TNXB: variants seen among roughly 807,000 people sequenced by gnomAD.
The protein encoded by TNXB is tenascin-X.
A neutral mutation model predicts 340.5 loss-of-function variants in TNXB; 183 were observed. That is an observed-to-expected ratio of 0.54 (90% CI 0.48 to 0.61). The LOEUF is 0.61. Ranked by LOEUF, TNXB falls within the 20% of genes least tolerant of loss-of-function variation. TNXB has a pLI of 0.00. For missense variants in TNXB, 4,613 were observed against 5,446.4 expected (o/e 0.85, Z 4.82); for synonymous variants, 2,121 against 2,314.5 (o/e 0.92, Z 2.40).
At chr6:32,054,812 C>T (rs1159061207) in intron 24 of TNXB, among the ~76,000 whole-genome samples, 1 of 152,230 alleles carries the variant, frequency 6.6e-6, no homozygotes, top group Non-Finnish European at 1.5e-5. Context: ...GCTGCCCTTT[C>T]CCTCTGCCAG....
Position 32,047,212 on chromosome 6 carries a change from T to TC in TNXB, c.10324+521dup, listed in dbSNP as rs1441608821. 3.3e-5 allele frequency among the ~76,000 whole-genome samples: 5 copies of TC among 152,248 alleles called. No individual in the cohort carries two copies. Among genetic ancestry groups the TC allele is most frequent in the South Asian group, 2.1e-4 (1 of 4,836 alleles). On this transcript the variant is annotated intron_variant, in intron 30 of 43. Transcript: ENST00000644971. The surrounding 1 kb of genome is among the most constrained non-coding windows in gnomAD (Gnocchi z 6.2). ...TCTGTCCTCCTCTGGGCATAGTGACTCATGGTCCTGGGAGTGGGGTGAGGG... is the reference window on the plus strand; with the variant it reads ...TCTGTCCTCCTCTGGGCATAGTGACTCCATGGTCCTGGGAGTGGGGTGAGGG...
chr6:32,092,230 T>C (rs1164818477), intron 4 of TNXB, among the ~76,000 whole-genome samples: 2 of 152,194 alleles, frequency 1.3e-5, no homozygotes, highest in Non-Finnish European at 2.9e-5. Context: ...TCTGACAATT[T>C]GCATGCCTAA....
Position 32,089,415 on chromosome 6 carries a change from C to T in TNXB, c.2359-36G>A. ...GAGCACCAGGTGGCTCAGGGGCTGG[C>T]ACTCTTGCCTCTGCTGCTCAATCCC... On this transcript the variant is annotated intron_variant, in intron 4 of 43. Transcript: ENST00000644971. This position sits in a 1 kb window ranked among gnomAD's most constrained non-coding sequence, Gnocchi z 6.2. The T allele has an allele frequency of 1.3e-6, 2 of 1,581,850 alleles. No homozygotes were observed. Among genetic ancestry groups the T allele is most frequent in the Non-Finnish European group, 1.7e-6 (2 of 1,165,980 alleles).
chr6:32,094,797 A>G (rs1780239618), intron 4 of TNXB, among the ~76,000 whole-genome samples: 1 of 152,204 alleles, frequency 6.6e-6, no homozygotes, highest in Non-Finnish European at 1.5e-5. Context: ...AACAATGATA[A>G]CAGCTAACAG....
chr6:32,073,099 A>G lies in TNXB; in HGVS notation c.4681+548T>C, dbSNP rs1312827562. Among the ~76,000 whole-genome samples the G allele has an allele frequency of 6.6e-6, 1 of 152,176 alleles. No individual in the cohort carries two copies. Among genetic ancestry groups the G allele is most frequent in the Non-Finnish European group, 1.5e-5 (1 of 68,030 alleles). On this transcript the variant is annotated intron_variant, in intron 12 of 43. Transcript: ENST00000644971. The surrounding 1 kb of genome is among the most constrained non-coding windows in gnomAD (Gnocchi z 4.6). ...TGCCACAGCACAACAATCATGGAGA[A>G]CCTGTGCCCAGGAAGCCATGAGGGG...
At chr6:32,098,229 T>C in intron 1 of TNXB, 23 bp from the exon 2 acceptor site, 1 of 1,465,586 alleles carries the variant, frequency 6.8e-7, no homozygotes, top group South Asian at 1.5e-5. Context: ...AGGGTAGGTA[T>C]GAGAGCAGCT....
In TNXB at chr6:32,080,419, C is replaced by G. The variant is rs1265624988; in HGVS notation, c.4042+949G>C. Among the ~76,000 whole-genome samples, 1 of 152,184 alleles carries G rather than the reference C, an allele frequency of 6.6e-6. No individual in the cohort carries two copies. The highest frequency in any genetic ancestry group is 1.9e-4 in the East Asian group (1 of 5,188). ...TGGAGACACGGTTTCACCGTGTTAG[C>G]CAGGATGGTCTCGATCTCCTGACCT... On this transcript the variant is annotated intron_variant, in intron 10 of 43. Transcript: ENST00000644971. The surrounding 1 kb of genome is among the most constrained non-coding windows in gnomAD (Gnocchi z 4.3).
chr6:32,069,988 G>T lies in TNXB; in HGVS notation c.5279-127C>A. On this transcript the variant is annotated intron_variant, in intron 14 of 43. Transcript: ENST00000644971. The surrounding 1 kb of genome is among the most constrained non-coding windows in gnomAD (Gnocchi z 6.2). ...CTGAGTCCTGCCGGGCTGTGCTAGG[G>T]GCTTGTGCAGGGACGTGGGGAGCTG... is the stretch of plus-strand genomic sequence containing the variant. 1.5e-6 allele frequency: 2 copies of T among 1,370,250 alleles called. No homozygotes were observed. Among genetic ancestry groups the T allele is most frequent in the Non-Finnish European group, 9.7e-7 (1 of 1,032,482 alleles). The allele number at this position is 1,370,250 out of a possible 1,614,324, so 84.9% of individuals were successfully genotyped here.
intron 43 of TNXB, 98 bp downstream of exon 43, chr6:32,041,673 C>T (rs1374016201): frequency 8.4e-7 from 1 of 1,188,440 alleles, no homozygotes; most frequent in African/African-American, 1.4e-5. Context: ...TCCATTTCAC[C>T]CAGCCACTCA....
intron 1 of TNXB, among the ~76,000 whole-genome samples, chr6:32,100,962 CCCAG>C (rs2127298599): frequency 6.6e-6 from 1 of 151,120 alleles, no homozygotes; most frequent in African/African-American, 2.4e-5. Flanking sequence ...CACCTGTAGT[CCCAG>C]CTACTCGGGA....
At position 32,057,020 on chromosome 6, in the gene TNXB, C is replaced by G. The variant is rs138472082; in HGVS notation, c.7826-117G>C. Reference sequence around the variant, plus strand: ...AGAGCAGGACGATGCTGCCCACAGCCCCTCCAGCACAGCTCTTCATCCTCT... The same window carrying G: ...AGAGCAGGACGATGCTGCCCACAGCGCCTCCAGCACAGCTCTTCATCCTCT... On this transcript the variant is annotated intron_variant, in intron 22 of 43. Coordinates refer to ENST00000644971, the MANE Select transcript of TNXB (RefSeq NM_001365276.2). 3.6e-4 allele frequency: 471 copies of G among 1,294,682 alleles called. 3 individuals are homozygous for G. Among genetic ancestry groups the G allele is most frequent in the African/African-American group, 3.6e-3 (244 of 68,432 alleles). 80.2% of individuals were successfully genotyped at this position (1,294,682 alleles called of 1,614,324 possible).
chr6:32,087,156 G>C lies in TNXB; in HGVS notation c.2780-1038C>G. The C allele has an allele frequency of 2.3e-6, 1 of 435,222 alleles. No individual in the cohort carries two copies. The highest frequency in any genetic ancestry group is 4.7e-6 in the Non-Finnish European group (1 of 214,836). The allele number at this position is 435,222 out of a possible 1,614,324, so 27.0% of individuals were successfully genotyped here. The stretch of plus-strand genomic sequence containing the variant: ...GGGCCTGAAGGTAGAAGGGGGCAGT[G>C]GGGGGTGGCAGTGGGAGGAATTCAT... On this transcript the variant is annotated intron_variant, in intron 6 of 43. Transcript: ENST00000644971. The surrounding 1 kb of genome is among the most constrained non-coding windows in gnomAD (Gnocchi z 9.0).
At chr6:32,071,460 G>A (rs1440302367) in intron 13 of TNXB, among the ~76,000 whole-genome samples, 4 of 152,102 alleles carry the variant, frequency 2.6e-5, no homozygotes, top group Admixed American at 2.6e-4. Context: ...GCCTGTAGGG[G>A]CTTCCCTCAT....
chr6:32,062,167 G>A lies in TNXB; in HGVS notation c.7158C>T (p.Ile2386=), dbSNP rs201201973. 9.3e-6 allele frequency: 15 copies of A among 1,610,298 alleles called. No individual in the cohort carries two copies. Among genetic ancestry groups the A allele is most frequent in the Middle Eastern group, 1.7e-4 (1 of 6,054 alleles). The change falls in exon 20 of 44, where the codon ATC becomes ATT. Residue 2386 remains isoleucine (I), a synonymous_variant. Transcript: ENST00000644971. This position sits in a 1 kb window ranked among gnomAD's most constrained non-coding sequence, Gnocchi z 4.3. Reference sequence around the variant, plus strand: ...CCATCGTCCACTCACCTGTCACCCCGATGGCAGACACGGGGCCCACACGCT... The same window carrying A: ...CCATCGTCCACTCACCTGTCACCCCAATGGCAGACACGGGGCCCACACGCT... The part of the protein sequence containing the change: ...GGQRVGPVSA[I]GVTAAEEETP...
At position 32,061,136 on chromosome 6, in the gene TNXB, A is replaced by G. The variant is rs1444336877; in HGVS notation, c.7492+261T>C. Among the ~76,000 whole-genome samples the G allele has an allele frequency of 1.3e-5, 2 of 151,902 alleles. No homozygotes were observed. The highest frequency in any genetic ancestry group is 4.9e-5 in the African/African-American group (2 of 41,146). On this transcript the variant is annotated intron_variant, in intron 21 of 43. Coordinates refer to ENST00000644971, the MANE Select transcript of TNXB (RefSeq NM_001365276.2). This position sits in a 1 kb window ranked among gnomAD's most constrained non-coding sequence, Gnocchi z 4.4. ...AGAATGCTGTTATTAAGATGGAAAG[A>G]AAGGAAAATTCTCGTAAGTCAGGCT... is the stretch of plus-strand genomic sequence containing the variant.
chr6:32,060,779 C>T (rs2151906311), intron 21 of TNXB, among the ~76,000 whole-genome samples: 1 of 152,024 alleles, frequency 6.6e-6, no homozygotes, highest in East Asian at 1.9e-4. Context: ...ACTGGGATTA[C>T]AGGCATGTGC....
Position 32,061,365 on chromosome 6 carries a change from G to A in TNXB, c.7492+32C>T, listed in dbSNP as rs1445733045. On this transcript the variant is annotated intron_variant, in intron 21 of 43. Coordinates refer to ENST00000644971, the MANE Select transcript of TNXB (RefSeq NM_001365276.2). The surrounding 1 kb of genome is among the most constrained non-coding windows in gnomAD (Gnocchi z 4.4). ...TAAACCAGGTACCCATGAGGGAAAG[G>A]TGGTTACCCCGAGACTCCAAGCACT... 6.2e-7 allele frequency: 1 copy of A among 1,601,902 alleles called. No homozygotes were observed.
rs1401914705 is a variant in TNXB at position 32,058,354 on chromosome 6, G to A, written c.7529C>T (p.Thr2510Ile). The change falls in exon 22 of 44, where the codon ACA (threonine) becomes ATA (isoleucine). Residue 2510 changes from threonine (T) to isoleucine (I), a missense_variant. This residue lies in a region of TNXB where 4,327 missense variants were observed against 4,859.4 expected (regional missense o/e 0.89). Transcript: ENST00000644971. The surrounding 1 kb of genome is among the most constrained non-coding windows in gnomAD (Gnocchi z 5.1). ...CCCTGGGGCCTCTGTGCCTGGTTCTGTAGGGCTGGGGGTCTCGTCCACATC... is the reference window on the plus strand; with the variant it reads ...CCCTGGGGCCTCTGTGCCTGGTTCTATAGGGCTGGGGGTCTCGTCCACATC... The part of the protein sequence containing the change: ...QEDVDETPSP[T>I]EPGTEAPGPP... The A allele has an allele frequency of 5.0e-6, 8 of 1,610,742 alleles. No individual in the cohort carries two copies. In the African/African-American group the frequency reaches 8.1e-5, roughly 16 times the overall value.
Position 32,096,089 on chromosome 6 carries a change from C to A in TNXB, c.1764G>T (p.Arg588Ser). 6.2e-7 allele frequency: 1 copy of A among 1,610,832 alleles called. No homozygotes were observed. The highest frequency in any genetic ancestry group is 8.5e-7 in the Non-Finnish European group (1 of 1,179,008). Residue 588 changes from arginine (R) to serine (S), a missense_variant, in exon 3 of 44, where the codon AGG becomes AGT. Physicochemically the swap from Arg to Ser is moderately radical, Grantham distance 110. Coordinates refer to ENST00000644971, the MANE Select transcript of TNXB (RefSeq NM_001365276.2). ...DGYSGEDCGVRQCPNDCSQHG... is the reference protein window; with the variant it reads ...DGYSGEDCGVSQCPNDCSQHG... ...GCTGGCTGCAGTCATTCGGGCACTG[C>A]CTCACACCGCAATCCTCGCCAGAGT...
Sources: gnomAD v4.1 joint callset for allele counts (sites outside exome capture counted in the v4.1 genomes callset) on GRCh38, gnomAD v4.1.1 for gene constraint, gnomAD v4.1.1 regional missense constraint, Gnocchi (gnomAD v3.1) non-coding constraint, MANE v1.5 for transcripts, NCBI Gene and HGNC (gene_info 2026-07-23, HGNC 2026-07-21) for gene names.